GSE1: variants seen among roughly 807,000 people sequenced by gnomAD.
GSE1 encodes genetic suppressor element 1.
Under a neutral mutation model 112.6 loss-of-function variants are expected in GSE1, and 32 were observed. The ratio of observed to expected loss-of-function variants is 0.28; its 90% CI spans 0.21 to 0.38. GSE1 has a LOEUF of 0.38. Ranked by LOEUF, GSE1 falls within the 10% of genes least tolerant of loss-of-function variation. The pLI is 1.00. For synonymous variants in GSE1, 1,115 were observed against 735.6 expected (o/e 1.52, Z -8.35); for missense variants, 2,348 against 1,699.2 (o/e 1.38, Z -6.71).
At chr16:85,170,787 G>T in exon 1 of GSE1, 3 of 985,580 alleles carry the variant, frequency 3.0e-6, no homozygotes, top group Non-Finnish European at 3.6e-6. Context: ...GTACCTTGGT[G>T]TGCGCCAGCT....
chr16:85,558,907 G>A (rs1319023235), intron 1 of GSE1, among the ~76,000 whole-genome samples: 2 of 152,104 alleles, frequency 1.3e-5, no homozygotes, highest in Non-Finnish European at 2.9e-5. Context: ...GCCCAGGCTG[G>A]AGTGCAGTGG....
Position 85,287,078 on chromosome 16 carries a change from G to A in GSE1, c.2284-70385G>A, listed in dbSNP as rs561320084. Among the ~76,000 whole-genome samples, 632 of 152,330 alleles carry A rather than the reference G, an allele frequency of 4.1e-3. 3 individuals are homozygous for A. Among genetic ancestry groups the A allele is most frequent in the Admixed American group, 4.8e-3 (73 of 15,308 alleles). On this transcript the variant is annotated intron_variant, in intron 1 of 2. Coordinates refer to the GSE1 transcript ENST00000637419. Reference sequence around the variant, plus strand: ...TCTGGCCTCCCTGCCTGTCTCCGGGGACGGGGACTGAGCTGGCGGCGGCAG... The same window carrying A: ...TCTGGCCTCCCTGCCTGTCTCCGGGAACGGGGACTGAGCTGGCGGCGGCAG...
At position 85,419,758 on chromosome 16, in the gene GSE1, C is replaced by G. The variant is rs1056944404; in HGVS notation, c.2464+62115C>G. The stretch of plus-strand genomic sequence containing the variant: ...AAACCCCTCTGATGCCTGCCTCCCC[C>G]GCCCCGCCCCCACCCCTCCAAGACT... On this transcript the variant is annotated intron_variant, in intron 2 of 2. Coordinates refer to the GSE1 transcript ENST00000637419. The surrounding 1 kb of genome is among the most constrained non-coding windows in gnomAD (Gnocchi z 6.5). 6.6e-6 allele frequency among the ~76,000 whole-genome samples: 1 copy of G among 152,092 alleles called. No individual in the cohort carries two copies. Among genetic ancestry groups the G allele is most frequent in the Non-Finnish European group, 1.5e-5 (1 of 67,990 alleles).
chr16:85,392,234 G>A (rs1238878690), intron 2 of GSE1, among the ~76,000 whole-genome samples: 1 of 152,134 alleles, frequency 6.6e-6, no homozygotes, highest in African/African-American at 2.4e-5. Flanking sequence ...CTGCACAGGC[G>A]GCCGACTCCT....
At chr16:85,563,159 G>C (rs1360100985) in intron 1 of GSE1, among the ~76,000 whole-genome samples, 1 of 150,978 alleles carries the variant, frequency 6.6e-6, no homozygotes, top group African/African-American at 2.4e-5. Context: ...ACATCCACAT[G>C]GTATCCTCCT....
chr16:85,570,456 C>T (rs556075547), intron 1 of GSE1, among the ~76,000 whole-genome samples: 2 of 152,338 alleles, frequency 1.3e-5, no homozygotes, highest in African/African-American at 4.8e-5. Context: ...CACTTGATCC[C>T]AGCCTGCAGA....
chr16:85,424,368 G>T (rs898255184), intron 2 of GSE1, among the ~76,000 whole-genome samples: 3 of 152,234 alleles, frequency 2.0e-5, no homozygotes, highest in Non-Finnish European at 2.9e-5. Flanking sequence ...CTCATGGGGA[G>T]GCTGGGGGCT....
intron 1 of GSE1, among the ~76,000 whole-genome samples, chr16:85,629,433 T>C (rs562189750): frequency 6.6e-4 from 100 of 152,276 alleles, no homozygotes; most frequent in African/African-American, 2.4e-3. Context: ...GTTCCCCTTT[T>C]GCGGTAGCAT....
intron 1 of GSE1, among the ~76,000 whole-genome samples, chr16:85,269,788 T>C (rs1338475724): frequency 6.7e-6 from 1 of 148,916 alleles, no homozygotes; most frequent in African/African-American, 2.4e-5. Flanking sequence ...TCTGGGCTCC[T>C]CCCCTGGGGC....
chr16:85,299,039 C>T (rs558980514), intron 1 of GSE1, among the ~76,000 whole-genome samples: 1 of 152,332 alleles, frequency 6.6e-6, no homozygotes, highest in African/African-American at 2.4e-5. Context: ...AGGATGCTTC[C>T]TGACATTCGT....
chr16:85,321,249 G>A (rs2046101423), intron 1 of GSE1, among the ~76,000 whole-genome samples: 1 of 152,136 alleles, frequency 6.6e-6, no homozygotes, highest in Non-Finnish European at 1.5e-5. Flanking sequence ...GTGCAGGCTT[G>A]TGGAATCCCA....
chr16:85,187,657 G>T (rs1440437109), intron 1 of GSE1, among the ~76,000 whole-genome samples: 2 of 152,136 alleles, frequency 1.3e-5, no homozygotes, highest in East Asian at 3.9e-4. Context: ...CGGACATCAG[G>T]CCTCGCCCCC....
At chr16:85,262,318 A>G (rs903946321) in intron 1 of GSE1, among the ~76,000 whole-genome samples, 1 of 152,060 alleles carries the variant, frequency 6.6e-6, no homozygotes, top group Admixed American at 6.5e-5. Flanking sequence ...TCCTTTTATC[A>G]TGTGGTGACA....
At chr16:85,351,195 A>G (rs947771558) in intron 1 of GSE1, among the ~76,000 whole-genome samples, 2 of 152,200 alleles carry the variant, frequency 1.3e-5, no homozygotes, top group African/African-American at 2.4e-5. Context: ...CTGGATGCCC[A>G]GGAGGGAGAG....
At chr16:85,629,172 T>C (rs561832567) in intron 1 of GSE1, among the ~76,000 whole-genome samples, 87 of 152,362 alleles carry the variant, frequency 5.7e-4, no homozygotes, top group African/African-American at 2.0e-3. Flanking sequence ...CCACGCTTCC[T>C]GTACACCCCA....
chr16:85,570,537 A>T (rs1039236403), intron 1 of GSE1, among the ~76,000 whole-genome samples: 1 of 152,162 alleles, frequency 6.6e-6, no homozygotes, highest in Non-Finnish European at 1.5e-5. Context: ...CTGGCTTTTC[A>T]TCTGATTTTG....
chr16:85,579,351 G>C (rs1173261314), intron 1 of GSE1, among the ~76,000 whole-genome samples: 1 of 152,176 alleles, frequency 6.6e-6, no homozygotes, highest in Non-Finnish European at 1.5e-5. Flanking sequence ...AGCTTGGGTC[G>C]GTGGCAGACA....
At chr16:85,284,981 T>G (rs1480913056) in intron 1 of GSE1, 6 of 152,220 alleles carry the variant, frequency 3.9e-5, no homozygotes, top group African/African-American at 1.4e-4. Context: ...CAAATAGCAC[T>G]GTGGTCATCG....
At chr16:85,276,739 GTGGGACC>G (rs1323162592) in intron 1 of GSE1, among the ~76,000 whole-genome samples, 1 of 152,130 alleles carries the variant, frequency 6.6e-6, no homozygotes, top group African/African-American at 2.4e-5. Context: ...GGTGTGTGGG[GTGGGACC>G]TCGCTCGTGG....
Sources: gnomAD v4.1 joint callset for allele counts (sites outside exome capture counted in the v4.1 genomes callset) on GRCh38, gnomAD v4.1.1 for gene constraint, Gnocchi (gnomAD v3.1) non-coding constraint, MANE v1.5 for transcripts, NCBI Gene and HGNC (gene_info 2026-07-23, HGNC 2026-07-21) for gene names.